MACROD2: variants seen among roughly 807,000 people sequenced by gnomAD.
The protein encoded by MACROD2 is ADP-ribose glycohydrolase MACROD2.
In MACROD2, 36 loss-of-function variants were observed where a neutral mutation model predicts 70.4. The observed-to-expected ratio is 0.51, with a 90% CI of 0.39 to 0.68. The LOEUF is 0.68. MACROD2 is among the 30% of genes least tolerant of loss of function. MACROD2 has a pLI of 0.00. For missense variants in MACROD2, 496 were observed against 538.4 expected (o/e 0.92, Z 0.78); for synonymous variants, 172 against 178.8 (o/e 0.96, Z 0.30).
chr20:15,631,214 A>G (rs928881113), intron 8 of MACROD2, among the ~76,000 whole-genome samples: 4 of 152,190 alleles, frequency 2.6e-5, no homozygotes. Context: ...GAAGGACAGC[A>G]CGGTCTCTTT....
chr20:14,173,437 C>G (rs1371854445), intron 3 of MACROD2, among the ~76,000 whole-genome samples: 1 of 152,084 alleles, frequency 6.6e-6, no homozygotes, highest in East Asian at 1.9e-4. Context: ...TTGCATTTCT[C>G]TAAGTGTGTC....
intron 8 of MACROD2, among the ~76,000 whole-genome samples, chr20:15,823,518 A>G (rs189046483): frequency 1.4e-4 from 22 of 152,294 alleles, no homozygotes; most frequent in African/African-American, 4.6e-4. Context: ...TTGATCAAAC[A>G]TGTCAGCCAA....
At chr20:16,017,698 A>G (rs2066947753) in intron 15 of MACROD2, among the ~76,000 whole-genome samples, 1 of 152,204 alleles carries the variant, frequency 6.6e-6, no homozygotes, top group Non-Finnish European at 1.5e-5. Context: ...GCATCTTCAC[A>G]TAGTTGACTC....
intron 6 of MACROD2, among the ~76,000 whole-genome samples, chr20:15,370,708 T>C (rs73267071): frequency 6.6e-6 from 1 of 152,164 alleles, no homozygotes; most frequent in South Asian, 2.1e-4. Context: ...ATAAGATGTC[T>C]TCTTCTTTAT....
At chr20:15,366,700 C>T (rs545669616) in intron 6 of MACROD2, among the ~76,000 whole-genome samples, 1 of 151,986 alleles carries the variant, frequency 6.6e-6, no homozygotes, top group South Asian at 2.1e-4. Flanking sequence ...CAGGCACCTG[C>T]CACCATGCCT....
At chr20:15,052,537 T>C (rs1190149956) in intron 5 of MACROD2, among the ~76,000 whole-genome samples, 3 of 152,166 alleles carry the variant, frequency 2.0e-5, no homozygotes, top group Admixed American at 1.3e-4. Context: ...ACTATTGTCA[T>C]TGTTTTGGGG....
intron 3 of MACROD2, among the ~76,000 whole-genome samples, chr20:14,199,396 G>A (rs1306241823): frequency 6.6e-6 from 1 of 152,232 alleles, no homozygotes; most frequent in Admixed American, 6.5e-5. Context: ...TTTCAGATTA[G>A]ACAGCTGCAT....
intron 8 of MACROD2, among the ~76,000 whole-genome samples, chr20:15,696,484 A>G (rs1385101142): frequency 1.3e-5 from 2 of 152,136 alleles, no homozygotes; most frequent in East Asian, 3.9e-4. Context: ...ATGTTCATCA[A>G]GGATATTGGT....
intron 8 of MACROD2, among the ~76,000 whole-genome samples, chr20:15,641,651 A>T (rs1032202865): frequency 6.6e-6 from 1 of 152,226 alleles, no homozygotes; most frequent in Admixed American, 6.5e-5. Flanking sequence ...CCTAACACAC[A>T]AGCGTCTTAC....
intron 12 of MACROD2, among the ~76,000 whole-genome samples, chr20:15,950,141 A>G (rs2065884292): frequency 1.3e-5 from 2 of 152,228 alleles, no homozygotes; most frequent in South Asian, 2.1e-4. Flanking sequence ...AGTTAAGTGT[A>G]GTCTATTTTT....
intron 13 of MACROD2, among the ~76,000 whole-genome samples, chr20:15,976,414 T>C (rs1234190298): frequency 6.6e-6 from 1 of 152,224 alleles, no homozygotes; most frequent in Non-Finnish European, 1.5e-5. Context: ...ATTCTTTGTG[T>C]TCTTTTGTTT....
At chr20:14,847,920 C>T (rs1339346177) in intron 5 of MACROD2, among the ~76,000 whole-genome samples, 1 of 152,116 alleles carries the variant, frequency 6.6e-6, no homozygotes, top group Non-Finnish European at 1.5e-5. Flanking sequence ...TCCAGGGGCT[C>T]TGTGGCTTCC....
At chr20:15,760,308 G>A (rs957328157) in intron 8 of MACROD2, among the ~76,000 whole-genome samples, 3 of 152,234 alleles carry the variant, frequency 2.0e-5, no homozygotes, top group African/African-American at 7.2e-5. Context: ...CTTACGCAAA[G>A]GGAATGCCTC....
chr20:15,996,507 T>C (rs371281732), intron 15 of MACROD2, among the ~76,000 whole-genome samples: 35 of 152,328 alleles, frequency 2.3e-4, no homozygotes, highest in African/African-American at 7.5e-4. Context: ...TTTTGATTAC[T>C]GACTCAAACT....
At chr20:15,692,601 G>A (rs6514593) in intron 8 of MACROD2, among the ~76,000 whole-genome samples, 3,568 of 152,170 alleles carry the variant, frequency 0.023, 135 homozygotes, top group African/African-American at 0.082. Flanking sequence ...CCCTGGAAGC[G>A]CAGAGAAAAG....
At chr20:14,270,424 T>C (rs900985463) in intron 3 of MACROD2, among the ~76,000 whole-genome samples, 1 of 152,070 alleles carries the variant, frequency 6.6e-6, no homozygotes, top group Non-Finnish European at 1.5e-5. Flanking sequence ...ACCCTGTCTC[T>C]ACTAAAACAC....
intron 3 of MACROD2, among the ~76,000 whole-genome samples, chr20:14,167,289 A>AT (rs2055281149): frequency 1.3e-5 from 2 of 151,768 alleles, no homozygotes; most frequent in Admixed American, 6.6e-5. Flanking sequence ...AAGTTTTCTC[A>AT]TTTTTTTCAC....
At chr20:14,274,669 A>C (rs1337749303) in intron 3 of MACROD2, among the ~76,000 whole-genome samples, 2 of 152,172 alleles carry the variant, frequency 1.3e-5, no homozygotes, top group Non-Finnish European at 2.9e-5. Flanking sequence ...GGAGAAGGAA[A>C]TAAAGTGTAT....
rs140286775 is a variant in MACROD2, at chr20:14,892,361, G to A, written c.418+207402G>A. Among the ~76,000 whole-genome samples, 10 of 152,142 alleles carry A rather than the reference G, an allele frequency of 6.6e-5. No individual in the cohort carries two copies. In the East Asian group the frequency reaches 1.9e-3, roughly 30 times the overall value. The stretch of plus-strand genomic sequence containing the variant: ...TTGGTGGTGCACGCCTGTAATCCCA[G>A]CTACTCAGGAGGCTGAGACACGAGA... On this transcript the variant is annotated intron_variant, in intron 5 of 17. Transcript: ENST00000684519.
Sources: gnomAD v4.1 joint callset for allele counts (sites outside exome capture counted in the v4.1 genomes callset) on GRCh38, gnomAD v4.1.1 for gene constraint, MANE v1.5 for transcripts, NCBI Gene and HGNC (gene_info 2026-07-23, HGNC 2026-07-21) for gene names.